TRPM3: variants seen among roughly 807,000 people sequenced by gnomAD.
TRPM3 encodes the protein long transient receptor potential channel 3.
Under a neutral mutation model 181.2 loss-of-function variants are expected in TRPM3, and 77 were observed. That is an observed-to-expected ratio of 0.42 (90% confidence interval 0.35 to 0.51). TRPM3 has a LOEUF of 0.51. Among genes scored for constraint, TRPM3 ranks in the 20% least tolerant of loss-of-function variants. The pLI is 0.01. For synonymous variants in TRPM3, 745 were observed against 796.4 expected, an observed-to-expected ratio of 0.94 and a Z score of 1.09; for missense variants, 1,759 against 2,196.7, an observed-to-expected ratio of 0.80 and a Z score of 3.98.
intron 1 of TRPM3, among the ~76,000 whole-genome samples, chr9:71,281,827 C>T (rs1224373768): frequency 1.3e-5 from 2 of 152,080 alleles, no homozygotes; most frequent in South Asian, 2.1e-4. Context: ...TTTGGGAGGC[C>T]AAGGTGGGCA....
chr9:71,223,157 TC>T (rs2080350167), intron 1 of TRPM3, among the ~76,000 whole-genome samples: 1 of 151,288 alleles, frequency 6.6e-6, no homozygotes, highest in Non-Finnish European at 1.5e-5. Flanking sequence ...TCCAAAAGAG[TC>T]CCCTTCCTTC....
chr9:71,332,651 T>C (rs1189835803), intron 1 of TRPM3, among the ~76,000 whole-genome samples: 1 of 151,812 alleles, frequency 6.6e-6, no homozygotes, highest in African/African-American at 2.4e-5. Flanking sequence ...TTCCTATATT[T>C]CATTTTAGTT....
intron 1 of TRPM3, among the ~76,000 whole-genome samples, chr9:71,032,656 CT>C (rs1278772778): frequency 6.6e-6 from 1 of 152,070 alleles, no homozygotes; most frequent in African/African-American, 2.4e-5. Context: ...TCAATAAGAA[CT>C]TAATTGGGGA....
At position 70,535,637 on chromosome 9, in the gene TRPM3, T is replaced by TC; in HGVS notation, c.*315dup. ...TGGAGCGTGCTCGAAGCCCCTTGTTTCCCCTGCTCTCATGGCTTTCTGCTG... is the reference window on the plus strand; with the variant it reads ...TGGAGCGTGCTCGAAGCCCCTTGTTTCCCCCTGCTCTCATGGCTTTCTGCTG... On this transcript the variant is annotated 3_prime_UTR_variant, in exon 26 of 26. Coordinates refer to ENST00000677713, the MANE Select transcript of TRPM3 (RefSeq NM_001366145.2). 1 of 1,449,410 alleles carries TC rather than the reference T, an allele frequency of 6.9e-7. No homozygotes were observed. The allele number at this position is 1,449,410 out of a possible 1,614,324, so 89.8% of individuals were successfully genotyped here. A position where few individuals can be genotyped will look rare whatever the true frequency, so the allele number is the denominator to read the frequency against.
chr9:71,032,000 A>AG (rs2057417063), intron 1 of TRPM3, among the ~76,000 whole-genome samples: 1 of 402 alleles, frequency 2.5e-3, no homozygotes, highest in Non-Finnish European at 0.013. Context: ...TATATATATA[A>AG]TTATATAATA....
intron 6 of TRPM3, among the ~76,000 whole-genome samples, chr9:70,805,416 C>T (rs1370740246): frequency 6.6e-6 from 1 of 151,288 alleles, no homozygotes; most frequent in Non-Finnish European, 1.5e-5. Flanking sequence ...CGCCTGTAGT[C>T]CCAGCTACTC....
intron 1 of TRPM3, among the ~76,000 whole-genome samples, chr9:70,940,059 G>T (rs1014850444): frequency 6.6e-6 from 1 of 152,134 alleles, no homozygotes; most frequent in Admixed American, 6.5e-5. Flanking sequence ...TGAGCTTAGG[G>T]TTCCTGCAGG....
intron 18 of TRPM3, among the ~76,000 whole-genome samples, chr9:70,613,181 C>A (rs2062240658): frequency 6.6e-6 from 1 of 152,190 alleles, no homozygotes; most frequent in Non-Finnish European, 1.5e-5. Flanking sequence ...GCCTAAGCAG[C>A]TTAACTTGTG....
At chr9:70,803,441 C>A (rs548028622) in intron 6 of TRPM3, among the ~76,000 whole-genome samples, 3 of 143,948 alleles carry the variant, frequency 2.1e-5, no homozygotes, top group African/African-American at 7.9e-5. Flanking sequence ...CCACCGCCAC[C>A]GTTTTTGTTG....
chr9:70,768,320 G>A (rs2079533454), intron 7 of TRPM3, among the ~76,000 whole-genome samples: 1 of 152,132 alleles, frequency 6.6e-6, no homozygotes, highest in South Asian at 2.1e-4. Flanking sequence ...GGCATTTAGT[G>A]TGTACCAGGT....
intron 1 of TRPM3, among the ~76,000 whole-genome samples, chr9:70,924,028 C>T (rs1000050630): frequency 1.3e-5 from 2 of 150,228 alleles, no homozygotes; most frequent in Non-Finnish European, 3.0e-5. Flanking sequence ...TGCTGTTTTC[C>T]TTTAGAACAT....
At chr9:71,057,294 T>C (rs528246967) in intron 1 of TRPM3, among the ~76,000 whole-genome samples, 63 of 152,050 alleles carry the variant, frequency 4.1e-4, no homozygotes, top group Non-Finnish European at 7.8e-4. Context: ...AGTCTATTTT[T>C]TTGTAGCCCT....
At chr9:71,165,675 T>C (rs556301885) in intron 1 of TRPM3, among the ~76,000 whole-genome samples, 5 of 152,078 alleles carry the variant, frequency 3.3e-5, no homozygotes, top group Non-Finnish European at 7.4e-5. Context: ...ATTTCCTGAG[T>C]GTGCGCTATT....
chr9:71,421,122 A>T (rs941691548), intron 1 of TRPM3, among the ~76,000 whole-genome samples: 1 of 151,878 alleles, frequency 6.6e-6, no homozygotes, highest in East Asian at 1.9e-4. Flanking sequence ...TAGAAAACCA[A>T]ATATCACATG....
chr9:70,890,208 G>T (rs1589564549), intron 1 of TRPM3, among the ~76,000 whole-genome samples: 1 of 151,262 alleles, frequency 6.6e-6, no homozygotes, highest in East Asian at 1.9e-4. Flanking sequence ...TTTAAAACAA[G>T]AAGAGAGTGT....
chr9:70,755,162 C>T (rs1046270368), intron 8 of TRPM3, among the ~76,000 whole-genome samples: 1 of 151,992 alleles, frequency 6.6e-6, no homozygotes, highest in Non-Finnish European at 1.5e-5. Context: ...TTAGGAAATA[C>T]AGAGAACACC....
At chr9:71,407,791 C>A (rs527667614) in intron 1 of TRPM3, among the ~76,000 whole-genome samples, 3 of 152,284 alleles carry the variant, frequency 2.0e-5, no homozygotes, top group East Asian at 3.9e-4. Context: ...GGTCACTGAC[C>A]CACAAGTAGC....
chr9:71,232,962 T>C (rs1459808244), intron 1 of TRPM3, among the ~76,000 whole-genome samples: 2 of 152,174 alleles, frequency 1.3e-5, no homozygotes, highest in African/African-American at 4.8e-5. Flanking sequence ...ATCATCTTTC[T>C]TTTATGAACA....
chr9:70,925,376 T>A (rs943464452), intron 1 of TRPM3, among the ~76,000 whole-genome samples: 1 of 152,060 alleles, frequency 6.6e-6, no homozygotes, highest in South Asian at 2.1e-4. Flanking sequence ...TACACTAGAC[T>A]TTTTTCCTGG....
Sources: gnomAD v4.1 joint callset for allele counts (sites outside exome capture counted in the v4.1 genomes callset) on GRCh38, gnomAD v4.1.1 for gene constraint, MANE v1.5 for transcripts, NCBI Gene and HGNC (gene_info 2026-07-23, HGNC 2026-07-21) for gene names.